SLMAP: variants seen among roughly 807,000 people sequenced by gnomAD.
SLMAP encodes the protein sarcolemma associated protein, also known as sarcolemmal membrane-associated protein.
In SLMAP, 44 loss-of-function variants were observed where a neutral mutation model predicts 128.8. That is an observed-to-expected ratio of 0.34 (90% CI 0.27 to 0.44). SLMAP has a LOEUF of 0.44. Ranked by LOEUF, SLMAP falls within the 20% of genes least tolerant of loss-of-function variation. The pLI is 1.00. For synonymous variants in SLMAP, 327 were observed against 348.8 expected (o/e 0.94, Z 0.70); for missense variants, 787 against 985.3 (o/e 0.80, Z 2.69).
At chr3:57,822,897 G>A (rs2092632823) in intron 2 of SLMAP, among the ~76,000 whole-genome samples, 1 of 152,188 alleles carries the variant, frequency 6.6e-6, no homozygotes, top group East Asian at 1.9e-4. Context: ...AGAGATAACA[G>A]AGACTTCAGT....
At chr3:57,809,778 G>A (rs1055294272) in intron 2 of SLMAP, among the ~76,000 whole-genome samples, 1 of 152,190 alleles carries the variant, frequency 6.6e-6, no homozygotes, top group African/African-American at 2.4e-5. Flanking sequence ...AGCAGACGTT[G>A]AGATGACCTG....
chr3:57,897,237 AT>A (rs1291191116), intron 17 of SLMAP: 3 of 560,296 alleles, frequency 5.4e-6, no homozygotes, highest in Non-Finnish European at 2.7e-6. Flanking sequence ...CGCTTTTAAC[AT>A]AATTAGAATA....
At chr3:57,905,665 C>T (rs1057168665) in intron 17 of SLMAP, among the ~76,000 whole-genome samples, 1 of 152,080 alleles carries the variant, frequency 6.6e-6, no homozygotes, top group Non-Finnish European at 1.5e-5. Flanking sequence ...TTATCTGCAA[C>T]GTATTTATTT....
At chr3:57,863,733 C>T (rs1281295404) in intron 10 of SLMAP, among the ~76,000 whole-genome samples, 1 of 152,178 alleles carries the variant, frequency 6.6e-6, no homozygotes, top group Non-Finnish European at 1.5e-5. Context: ...ATAACCCAAA[C>T]ACCTCTCATT....
intron 2 of SLMAP, among the ~76,000 whole-genome samples, chr3:57,813,626 CTATT>C (rs530765551): frequency 1.9e-4 from 29 of 152,190 alleles, no homozygotes; most frequent in Middle Eastern, 3.4e-3. Context: ...ATCATAACAA[CTATT>C]TAAGTAGTAT....
chr3:57,849,246 A>G (rs771882351), intron 5 of SLMAP, among the ~76,000 whole-genome samples: 7 of 152,150 alleles, frequency 4.6e-5, no homozygotes, highest in Non-Finnish European at 1.0e-4. Flanking sequence ...ACAGCCTTGA[A>G]AAAACCCTTA....
chr3:57,892,836 T>C (rs961913634), intron 15 of SLMAP, among the ~76,000 whole-genome samples: 14 of 148,326 alleles, frequency 9.4e-5, no homozygotes, highest in African/African-American at 2.7e-4. Context: ...GCTTTCTTTT[T>C]TTTTTTTTTT....
At chr3:57,771,172 C>T (rs187624359) in intron 2 of SLMAP, among the ~76,000 whole-genome samples, 34 of 142,246 alleles carry the variant, frequency 2.4e-4, no homozygotes, top group Non-Finnish European at 3.8e-4. Context: ...CCCTCCCCTC[C>T]CCTCCCCTCT....
intron 2 of SLMAP, among the ~76,000 whole-genome samples, chr3:57,793,518 C>G (rs1159023410): frequency 6.6e-6 from 1 of 152,172 alleles, no homozygotes; most frequent in Admixed American, 6.5e-5. Context: ...ATCATTACCT[C>G]AGCCTATTTA....
intron 15 of SLMAP, among the ~76,000 whole-genome samples, chr3:57,894,449 C>G (rs1189946198): frequency 6.6e-6 from 1 of 152,106 alleles, no homozygotes; most frequent in Non-Finnish European, 1.5e-5. Context: ...CATTATGTAT[C>G]GCATATGTGC....
At chr3:57,811,977 C>A (rs2091057090) in intron 2 of SLMAP, among the ~76,000 whole-genome samples, 1 of 152,130 alleles carries the variant, frequency 6.6e-6, no homozygotes, top group South Asian at 2.1e-4. Context: ...GGATACCAAT[C>A]CCTTATCAAA....
At chr3:57,828,163 T>C (rs1231540049) in intron 2 of SLMAP, among the ~76,000 whole-genome samples, 1 of 152,214 alleles carries the variant, frequency 6.6e-6, no homozygotes, top group Non-Finnish European at 1.5e-5. Context: ...TTCACCATGT[T>C]GGCCAGGGTG....
chr3:57,790,799 G>T (rs1350368925), intron 2 of SLMAP, among the ~76,000 whole-genome samples: 1 of 152,136 alleles, frequency 6.6e-6, no homozygotes, highest in East Asian at 1.9e-4. Context: ...TTATTTTTAA[G>T]TAGAAGATAA....
chr3:57,896,245 A>G, intron 15 of SLMAP: 3 of 1,138,766 alleles, frequency 2.6e-6, no homozygotes, highest in Non-Finnish European at 1.1e-6. Flanking sequence ...TTTTGTTTCC[A>G]GTTGGCAAGT....
At chr3:57,793,658 C>T (rs1444448405) in intron 2 of SLMAP, among the ~76,000 whole-genome samples, 1 of 152,024 alleles carries the variant, frequency 6.6e-6, no homozygotes, top group Admixed American at 6.6e-5. Context: ...TAGTTTTGTC[C>T]TCAACTACTA....
Position 57,928,961 on chromosome 3 carries a change from G to A in SLMAP, c.*1672G>A, listed in dbSNP as rs1017170731. The A allele has an allele frequency of 1.3e-5, 2 of 152,592 alleles. No homozygotes were observed. Among genetic ancestry groups the A allele is most frequent in the Admixed American group, 6.5e-5 (1 of 15,274 alleles). The allele number at this position is 152,592 out of a possible 1,614,324, so 9.5% of individuals were successfully genotyped here. A position where few individuals can be genotyped will look rare whatever the true frequency, so the allele number is the denominator to read the frequency against. ...TCCACCACAGAATGCTAATATGCCA[G>A]TGGTACCCAGTACCTCTTGTATATA... On this transcript the variant is annotated 3_prime_UTR_variant, in exon 25 of 25. Coordinates refer to ENST00000671191, the MANE Select transcript of SLMAP (RefSeq NM_001377540.1).
rs1375024065 is a variant in SLMAP at position 57,890,091 on chromosome 3, C to T, written c.1351C>T (p.Leu451Phe). 1 of 1,613,802 alleles carries T rather than the reference C, an allele frequency of 6.2e-7. No individual in the cohort carries two copies. Among genetic ancestry groups the T allele is most frequent in the Non-Finnish European group, 8.5e-7 (1 of 1,179,798 alleles). Residue 451 changes from leucine to phenylalanine, a missense_variant, in exon 15 of 25, where the codon CTT becomes TTT. Coordinates refer to ENST00000671191, the MANE Select transcript of SLMAP (RefSeq NM_001377540.1). ...AACCAAAGCGGTAGAAGAAACAAAG[C>T]TTTCAAAAGGTTTGTTTTCTGTTTT... ...HLTKAVEETK[L>F]SKENQTRAKE...
At chr3:57,801,336 A>G (rs1351722657) in intron 2 of SLMAP, 1 of 152,744 alleles carries the variant, frequency 6.5e-6, no homozygotes, top group East Asian at 1.9e-4. Context: ...CCTGGTGAGT[A>G]CTATTGTGAT....
At chr3:57,926,078 A>T (rs1287745775) in intron 24 of SLMAP, 144 bp downstream of exon 24, 8 of 647,298 alleles carry the variant, frequency 1.2e-5, no homozygotes, top group Admixed American at 2.6e-5. Flanking sequence ...TATTTGTGTC[A>T]TACCAATGAA....
Sources: gnomAD v4.1 joint callset for allele counts (sites outside exome capture counted in the v4.1 genomes callset) on GRCh38, gnomAD v4.1.1 for gene constraint, MANE v1.5 for transcripts, NCBI Gene and HGNC (gene_info 2026-07-23, HGNC 2026-07-21) for gene names.